C5orf58: variants seen among roughly 807,000 people sequenced by gnomAD.
C5orf58 encodes putative uncharacterized protein C5orf58.
C5orf58 carries 2 observed loss-of-function variants against 2.9 expected under a neutral mutation model. That is an observed-to-expected ratio of 0.69 (90% CI 0.28 to 2.18). C5orf58 has a LOEUF of 2.18. Ranked by LOEUF, C5orf58 falls within the 30% of genes most tolerant of loss-of-function variation. C5orf58 has a pLI of 0.13. For missense variants in C5orf58, 96 were observed against 91.7 expected, an observed-to-expected ratio of 1.05 and a Z score of -0.19; for synonymous variants, 37 against 33.4, an observed-to-expected ratio of 1.11 and a Z score of -0.37.
chr5:170,248,692 A>G, downstream of C5orf58: 1 of 1,611,674 alleles, frequency 6.2e-7, no homozygotes, highest in African/African-American at 1.3e-5. Context: ...CTCGGCTATA[A>G]CTTGCTATGG....
At chr5:170,247,396 T>G (rs765220160), downstream of C5orf58, 1 of 152,226 alleles carries the variant, frequency 6.6e-6, no homozygotes, top group Non-Finnish European at 1.5e-5. Flanking sequence ...ACTTCTTAGA[T>G]TCCTTCCAAT....
Position 170,246,037 on chromosome 5 carries a change from C to G in C5orf58, c.170C>G (p.Ala57Gly), listed in dbSNP as rs751929763. 1 of 1,613,592 alleles carries G rather than the reference C, an allele frequency of 6.2e-7. No individual in the cohort carries two copies. Among genetic ancestry groups the G allele is most frequent in the African/African-American group, 1.3e-5 (1 of 75,034 alleles). The stretch of plus-strand genomic sequence containing the variant: ...ATCAAGACTGAGAACTTAGCAGAAG[C>G]AGAAAGAAACAACCCCCTCTTTGAA... ...HPIKTENLAEAERNNPLFEES... is the reference protein window; with the variant it reads ...HPIKTENLAEGERNNPLFEES... Residue 57 changes from alanine to glycine, a missense_variant, in exon 4 of 4, where the codon GCA becomes GGA. Transcript: ENST00000593851.
chr5:170,248,554 G>T, downstream of C5orf58: 2 of 826,490 alleles, frequency 2.4e-6, no homozygotes, highest in Non-Finnish European at 3.9e-6. Context: ...TTCAAACACT[G>T]TTTTTAAAGG....
At chr5:170,250,764 A>T, downstream of C5orf58, 8 of 1,613,544 alleles carry the variant, frequency 5.0e-6, no homozygotes, top group Non-Finnish European at 6.8e-6. Flanking sequence ...CAACAAGTAA[A>T]CTTGACTTTC....
At chr5:170,252,218 T>G (rs2113150236), downstream of C5orf58, 39 of 374,484 alleles carry the variant, frequency 1.0e-4, no homozygotes, top group Non-Finnish European at 1.3e-4. Context: ...ATGACTGCCT[T>G]GAGATTCTTC....
chr5:170,246,954 C>G (rs1761312809), downstream of C5orf58: 1 of 152,208 alleles, frequency 6.6e-6, no homozygotes. Flanking sequence ...ATGGCACTTT[C>G]CACTAATAGA....
At chr5:170,242,436 A>G (rs1429094009) in intron 3 of C5orf58, among the ~76,000 whole-genome samples, 1 of 129,492 alleles carries the variant, frequency 7.7e-6, no homozygotes, top group Non-Finnish European at 1.6e-5. Flanking sequence ...TAAACTATTG[A>G]TTATTGCCCC....
chr5:170,244,182 C>G (rs1357721650), intron 3 of C5orf58, among the ~76,000 whole-genome samples: 1 of 147,982 alleles, frequency 6.8e-6, no homozygotes, highest in Non-Finnish European at 1.5e-5. Flanking sequence ...TTGAGGGTAA[C>G]CCGACCTTTC....
chr5:170,234,231 C>T (rs764228851), intron 2 of C5orf58, 33 bp downstream of exon 2: 1 of 1,306,998 alleles, frequency 7.7e-7, no homozygotes, highest in Non-Finnish European at 1.0e-6. Context: ...GGACAAGCAG[C>T]TTGACCCATG....
chr5:170,248,414 G>A (rs1173086393), downstream of C5orf58: 3 of 275,602 alleles, frequency 1.1e-5, no homozygotes, highest in East Asian at 3.9e-4. Flanking sequence ...TTTTGAAATG[G>A]GCATTAAATA....
downstream of C5orf58, chr5:170,250,696 A>G: frequency 6.3e-7 from 1 of 1,585,900 alleles, no homozygotes. Flanking sequence ...ATAAATAAAG[A>G]CTTTGGGAAA....
At chr5:170,236,777 G>C (rs1760758655) in intron 3 of C5orf58, among the ~76,000 whole-genome samples, 1 of 152,134 alleles carries the variant, frequency 6.6e-6, no homozygotes, top group Admixed American at 6.5e-5. Flanking sequence ...CAACACACCA[G>C]GTTAACTGCT....
intron 3 of C5orf58, chr5:170,237,155 A>G: frequency 2.5e-6 from 1 of 396,834 alleles, no homozygotes; most frequent in Non-Finnish European, 4.4e-6. Context: ...TTGTATGGGT[A>G]GGTCAGGCAG....
intron 3 of C5orf58, among the ~76,000 whole-genome samples, chr5:170,245,446 C>G (rs1355844877): frequency 6.6e-6 from 1 of 152,214 alleles, no homozygotes; most frequent in Non-Finnish European, 1.5e-5. Context: ...GTAGGACCTT[C>G]CAAGCCAGGT....
At chr5:170,252,159 C>G (rs961944708) in exon 3 of C5orf58, 2 of 264,238 alleles carry the variant, frequency 7.6e-6, no homozygotes, top group Non-Finnish European at 1.5e-5. Context: ...ATTCCTATGA[C>G]AAGACAGACT....
chr5:170,250,853 T>A, downstream of C5orf58: 1 of 1,613,828 alleles, frequency 6.2e-7, no homozygotes, highest in East Asian at 2.2e-5. Flanking sequence ...TTGTTGTTTT[T>A]TTAGAGCTGT....
intron 3 of C5orf58, among the ~76,000 whole-genome samples, chr5:170,239,028 G>A (rs996908164): frequency 2.6e-5 from 4 of 152,214 alleles, no homozygotes; most frequent in Admixed American, 2.6e-4. Flanking sequence ...CTGTACAGCA[G>A]TGCTAGTAAG....
intron 3 of C5orf58, chr5:170,237,389 T>G (rs1760788234): frequency 2.5e-6 from 1 of 397,922 alleles, no homozygotes; most frequent in Non-Finnish European, 4.4e-6. Context: ...CCATTGGCAT[T>G]TACAGATGTG....
In C5orf58 at chr5:170,241,865, T is replaced by A. The variant is rs201179608; in HGVS notation, c.95-4097T>A. Among the ~76,000 whole-genome samples, 103 of 150,104 alleles carry A rather than the reference T, an allele frequency of 6.9e-4. 1 individual carries two copies. The highest frequency in any genetic ancestry group is 2.0e-3 in the African/African-American group (82 of 40,768). Reference sequence around the variant, plus strand: ...ATCCCTGTCTTGTGCCAGTTTTCAATGGGAATGCTTCCAGTTTTTGCCCAT... The same window carrying A: ...ATCCCTGTCTTGTGCCAGTTTTCAAAGGGAATGCTTCCAGTTTTTGCCCAT... On this transcript the variant is annotated intron_variant, in intron 3 of 3. Transcript: ENST00000593851.
Sources: gnomAD v4.1 joint callset for allele counts (sites outside exome capture counted in the v4.1 genomes callset) on GRCh38, gnomAD v4.1.1 for gene constraint, MANE v1.5 for transcripts, NCBI Gene and HGNC (gene_info 2026-07-23, HGNC 2026-07-21) for gene names.